Variants in TMEM178B observed in about 807,000 individuals in gnomAD.
TMEM178B encodes the protein transmembrane protein 178B.
In TMEM178B, 5 loss-of-function variants were observed where a neutral mutation model predicts 31.0. That is an observed-to-expected ratio of 0.16 (90% CI 0.08 to 0.34). The LOEUF is 0.34. TMEM178B is among the 10% of genes least tolerant of loss of function. The pLI is 1.00. For missense variants in TMEM178B, 275 were observed against 400.3 expected (o/e 0.69, Z 2.67); for synonymous variants, 164 against 164.0 (o/e 1.00, Z 0.00).
At chr7:141,417,602 C>T (rs1267387985) in intron 2 of TMEM178B, among the ~76,000 whole-genome samples, 1 of 152,166 alleles carries the variant, frequency 6.6e-6, no homozygotes, top group Non-Finnish European at 1.5e-5. Flanking sequence ...CTGGGAGTGA[C>T]TTGGGAAGAG....
At chr7:141,441,418 T>C (rs185437284) in intron 3 of TMEM178B, among the ~76,000 whole-genome samples, 1 of 152,194 alleles carries the variant, frequency 6.6e-6, no homozygotes, top group East Asian at 1.9e-4. Flanking sequence ...ACTCGAACCA[T>C]AGAGAGTTAT....
chr7:141,226,488 T>C (rs1279959463), intron 2 of TMEM178B, among the ~76,000 whole-genome samples: 1 of 152,128 alleles, frequency 6.6e-6, no homozygotes, highest in Non-Finnish European at 1.5e-5. Flanking sequence ...AATAGGGACT[T>C]CTGGTTTCAT....
chr7:141,247,330 GTCTC>G (rs1797753492), intron 2 of TMEM178B, among the ~76,000 whole-genome samples: 2 of 151,856 alleles, frequency 1.3e-5, no homozygotes, highest in African/African-American at 4.8e-5. Context: ...CTCTCTGTAG[GTCTC>G]TCTGTCTCTC....
chr7:141,320,079 A>T (rs1799072067), intron 2 of TMEM178B, among the ~76,000 whole-genome samples: 4 of 152,018 alleles, frequency 2.6e-5, no homozygotes, highest in Admixed American at 2.0e-4. Flanking sequence ...GGGAGTTCTC[A>T]TGAGATCTGA....
chr7:141,409,009 G>C (rs1260800406), intron 2 of TMEM178B, among the ~76,000 whole-genome samples: 1 of 152,116 alleles, frequency 6.6e-6, no homozygotes, highest in Non-Finnish European at 1.5e-5. Context: ...AAGGCCAGGG[G>C]GCAAAACAGC....
At chr7:141,090,418 C>T (rs1794862678) in intron 1 of TMEM178B, among the ~76,000 whole-genome samples, 1 of 152,156 alleles carries the variant, frequency 6.6e-6, no homozygotes, top group Non-Finnish European at 1.5e-5. Context: ...CCAAGTTTCT[C>T]AATGTTTATC....
intron 1 of TMEM178B, among the ~76,000 whole-genome samples, chr7:141,194,694 T>A (rs550461848): frequency 6.6e-6 from 1 of 152,248 alleles, no homozygotes; most frequent in South Asian, 2.1e-4. Flanking sequence ...TTCTCACAGC[T>A]CCACTAGGCG....
At chr7:141,300,911 T>G (rs542108544) in intron 2 of TMEM178B, among the ~76,000 whole-genome samples, 32 of 152,322 alleles carry the variant, frequency 2.1e-4, no homozygotes, top group African/African-American at 7.5e-4. Flanking sequence ...TAGTTTTGTA[T>G]TGCATTTCTG....
chr7:141,442,743 C>T (rs1460945436), intron 3 of TMEM178B, among the ~76,000 whole-genome samples: 1 of 152,184 alleles, frequency 6.6e-6, no homozygotes, highest in African/African-American at 2.4e-5. Context: ...ATGCAGCCAC[C>T]TAGGCATGCT....
chr7:141,141,621 A>G (rs1385579634), intron 1 of TMEM178B, among the ~76,000 whole-genome samples: 1 of 152,214 alleles, frequency 6.6e-6, no homozygotes, highest in Non-Finnish European at 1.5e-5. Flanking sequence ...ACAGTGCCTA[A>G]TACATAGCTG....
In TMEM178B at chr7:141,171,716, C is replaced by A. The variant is rs370535764; in HGVS notation, c.383-40875C>A. ...GACAAAGACAGTGTCTTAGACAGGG[C>A]AGGGGGTAGAGAGGCGACAGTTAAG... On this transcript the variant is annotated intron_variant, in intron 1 of 3. Coordinates refer to ENST00000565468, the MANE Select transcript of TMEM178B (RefSeq NM_001195278.2). The surrounding 1 kb of genome is among the most constrained non-coding windows in gnomAD (Gnocchi z 4.3). 1.3e-5 allele frequency among the ~76,000 whole-genome samples: 2 copies of A among 152,226 alleles called. No individual in the cohort carries two copies. The highest frequency in any genetic ancestry group is 4.8e-5 in the African/African-American group (2 of 41,528).
chr7:141,223,479 C>CTTTTTTTTTTTTTTTTTTT (rs10680431), intron 2 of TMEM178B, among the ~76,000 whole-genome samples: 5 of 131,144 alleles, frequency 3.8e-5, no homozygotes, highest in African/African-American at 1.5e-4. Context: ...TGTTTTCACT[C>CTTTTTTTTTTTTTTTTTTT]TTTTTTTTTT....
intron 1 of TMEM178B, among the ~76,000 whole-genome samples, chr7:141,136,155 A>G (rs534650289): frequency 3.3e-5 from 5 of 152,244 alleles, no homozygotes; most frequent in African/African-American, 1.2e-4. Context: ...AACCAAAACA[A>G]CTTGGTGTTG....
Position 141,229,100 on chromosome 7 carries a change from GGTGTGT to G in TMEM178B, c.496+16422_496+16427del, listed in dbSNP as rs3035765. 1.0e-3 allele frequency among the ~76,000 whole-genome samples: 139 copies of G among 134,850 alleles called. 1 individual carries two copies. Among genetic ancestry groups the G allele is most frequent in the African/African-American group, 3.4e-3 (120 of 35,184 alleles). 88.5% of individuals were successfully genotyped at this position (134,850 alleles called of 152,430 possible). On this transcript the variant is annotated intron_variant, in intron 2 of 3. Transcript: ENST00000565468. ...TTTTTGCAAAATGATGTGTGTGTGT[GGTGTGT>G]GTGTGTGTGTGTGTGTGTGTGTGTG...
At chr7:141,256,788 A>G (rs974428247) in intron 2 of TMEM178B, among the ~76,000 whole-genome samples, 2 of 152,102 alleles carry the variant, frequency 1.3e-5, no homozygotes, top group African/African-American at 4.8e-5. Context: ...GGAGGTGAAA[A>G]ATAGTTGGAT....
intron 2 of TMEM178B, among the ~76,000 whole-genome samples, chr7:141,274,958 C>T (rs1236684257): frequency 6.6e-6 from 1 of 152,278 alleles, no homozygotes; most frequent in Non-Finnish European, 1.5e-5. Context: ...GCCTTCCCTC[C>T]GCTGCCTAAA....
intron 1 of TMEM178B, among the ~76,000 whole-genome samples, chr7:141,087,682 T>C (rs1004207907): frequency 2.0e-5 from 3 of 152,240 alleles, no homozygotes; most frequent in African/African-American, 7.2e-5. Flanking sequence ...TTTAGCAGTT[T>C]TCATATCACT....
At chr7:141,311,641 G>A (rs1439437043) in intron 2 of TMEM178B, among the ~76,000 whole-genome samples, 2 of 152,060 alleles carry the variant, frequency 1.3e-5, no homozygotes, top group African/African-American at 4.8e-5. Context: ...TCTACCATTT[G>A]TCTTTATGCT....
chr7:141,336,068 A>T (rs1324634715), intron 2 of TMEM178B, among the ~76,000 whole-genome samples: 1 of 152,220 alleles, frequency 6.6e-6, no homozygotes, highest in Admixed American at 6.5e-5. Flanking sequence ...ACTGAGAAAG[A>T]GTAATCGTCA....
Sources: gnomAD v4.1 joint callset for allele counts (sites outside exome capture counted in the v4.1 genomes callset) on GRCh38, gnomAD v4.1.1 for gene constraint, Gnocchi (gnomAD v3.1) non-coding constraint, MANE v1.5 for transcripts, NCBI Gene and HGNC (gene_info 2026-07-23, HGNC 2026-07-21) for gene names.